COP1: variants seen among roughly 807,000 people sequenced by gnomAD.
COP1 encodes E3 ubiquitin-protein ligase COP1.
COP1 carries 24 observed loss-of-function variants against 101.3 expected under a neutral mutation model. The ratio of observed to expected loss-of-function variants is 0.24; its 90% CI spans 0.17 to 0.33. The LOEUF is 0.33. COP1 is among the 10% of genes least tolerant of loss of function. The probability of loss-of-function intolerance (pLI) is 1.00; values close to 1 mark genes in which losing one functional copy is unlikely to be tolerated. For missense variants in COP1, 663 were observed against 906.2 expected, an observed-to-expected ratio of 0.73 and a Z score of 3.45; for synonymous variants, 347 against 341.9, an observed-to-expected ratio of 1.01 and a Z score of -0.17.
intron 9 of COP1, among the ~76,000 whole-genome samples, chr1:176,105,453 T>C (rs920535233): frequency 6.6e-6 from 1 of 152,182 alleles, no homozygotes; most frequent in Admixed American, 6.5e-5. Flanking sequence ...CAAAGAAATA[T>C]CTCTAGTTAC....
intron 18 of COP1, among the ~76,000 whole-genome samples, chr1:175,973,942 G>A (rs1653889655): frequency 6.6e-6 from 1 of 152,152 alleles, no homozygotes; most frequent in African/African-American, 2.4e-5. Flanking sequence ...GATCCTACAG[G>A]CAGTTCATGT....
At chr1:176,006,121 T>C (rs1308645539) in intron 15 of COP1, among the ~76,000 whole-genome samples, 1 of 152,196 alleles carries the variant, frequency 6.6e-6, no homozygotes, top group Non-Finnish European at 1.5e-5. Context: ...TTTGTCTGTT[T>C]TGATCTTTGT....
intron 8 of COP1, among the ~76,000 whole-genome samples, chr1:176,132,138 T>C (rs1688982852): frequency 6.6e-6 from 1 of 151,718 alleles, no homozygotes; most frequent in Non-Finnish European, 1.5e-5. Context: ...TCCTAACTTT[T>C]CTCCCCAGCT....
chr1:176,153,785 T>C (rs1014257704), intron 5 of COP1, among the ~76,000 whole-genome samples: 4 of 152,018 alleles, frequency 2.6e-5, no homozygotes, highest in Non-Finnish European at 5.9e-5. Flanking sequence ...TTATTGAGAG[T>C]TTTTAATATG....
At position 176,088,231 on chromosome 1, in the gene COP1, T is replaced by C. The variant is rs140435063; in HGVS notation, c.1027-2341A>G. Among the ~76,000 whole-genome samples the C allele has an allele frequency of 9.9e-3, 1,326 of 133,446 alleles. 18 individuals carry two copies. Among genetic ancestry groups the C allele is most frequent in the African/African-American group, 0.033 (1,264 of 38,454 alleles). The allele number at this position is 133,446 out of a possible 152,430, so 87.5% of individuals were successfully genotyped here. ...GACAAACCTGCACATTGTGCACATG[T>C]ACCCTAGAACTTAAAGTATCATAAA... On this transcript the variant is annotated intron_variant, in intron 9 of 19. Coordinates refer to ENST00000367669, the MANE Select transcript of COP1 (RefSeq NM_022457.7).
rs1656323266 is a variant in COP1, at chr1:175,983,322, C to A, written c.2133+3621G>T. On this transcript the variant is annotated intron_variant, in intron 18 of 19. Transcript: ENST00000367669. ...GGGGGCAAGTCTTTCCCGAACTGTT[C>A]TCGTGACAGTGAATAAGTCTCATGA... 2.0e-5 allele frequency among the ~76,000 whole-genome samples: 3 copies of A among 152,282 alleles called. No individual in the cohort carries two copies. The South Asian group carries it at 6.2e-4, about 32-fold the overall frequency.
chr1:176,068,943 T>C (rs1676491682), intron 11 of COP1, among the ~76,000 whole-genome samples: 1 of 152,134 alleles, frequency 6.6e-6, no homozygotes, highest in African/African-American at 2.4e-5. Context: ...TCCCCATACT[T>C]TGGGAGGCCA....
chr1:175,977,315 AAAG>A (rs1192047565), intron 18 of COP1, among the ~76,000 whole-genome samples: 1 of 152,204 alleles, frequency 6.6e-6, no homozygotes, highest in Non-Finnish European at 1.5e-5. Context: ...CAATTCAAAT[AAAG>A]AATATATATT....
rs527696350 is a variant in COP1 at position 176,173,757 on chromosome 1, G to T, written c.565+2153C>A. ...AGTCCCAGCACTTTGGGAGGCTGAG[G>T]CGGGAGGATCGCTTGAGTCCAGGAG... On this transcript the variant is annotated intron_variant, in intron 3 of 19. Coordinates refer to ENST00000367669, the MANE Select transcript of COP1 (RefSeq NM_022457.7). Among the ~76,000 whole-genome samples the T allele has an allele frequency of 4.7e-3, 710 of 152,048 alleles. 7 individuals carry two copies. The highest frequency in any genetic ancestry group is 0.016 in the African/African-American group (672 of 41,502).
intron 15 of COP1, among the ~76,000 whole-genome samples, chr1:175,993,699 G>T (rs1171804408): frequency 6.6e-6 from 1 of 152,100 alleles, no homozygotes; most frequent in Non-Finnish European, 1.5e-5. Flanking sequence ...AGAGAAAAAA[G>T]AATAAAAAGA....
intron 8 of COP1, among the ~76,000 whole-genome samples, chr1:176,125,186 T>C (rs1440369286): frequency 2.0e-5 from 3 of 152,234 alleles, no homozygotes; most frequent in Non-Finnish European, 1.5e-5. Context: ...TCTGCAAATA[T>C]TTTCTCCAAT....
chr1:176,115,118 AT>A (rs1685956942), intron 9 of COP1, among the ~76,000 whole-genome samples: 1 of 152,298 alleles, frequency 6.6e-6, no homozygotes, highest in South Asian at 2.1e-4. Context: ...TATTTTCGTA[AT>A]TTTTCTCTAA....
At chr1:175,977,913 T>C (rs1236579985) in intron 18 of COP1, among the ~76,000 whole-genome samples, 3 of 152,060 alleles carry the variant, frequency 2.0e-5, no homozygotes, top group Non-Finnish European at 2.9e-5. Flanking sequence ...GTAAAGGAAA[T>C]AATATCCAAT....
chr1:176,085,916 A>G, intron 9 of COP1, 26 bp from the exon 10 acceptor site: 1 of 1,316,656 alleles, frequency 7.6e-7, no homozygotes, highest in Non-Finnish European at 1.1e-6. Context: ...AAGACACAAA[A>G]CTTAGAATAA....
chr1:176,085,948 G>T, intron 9 of COP1, 58 bp from the exon 10 acceptor site: 2 of 898,862 alleles, frequency 2.2e-6, no homozygotes, highest in South Asian at 3.8e-5. Context: ...CTTTTGCACA[G>T]AATACTCAAA....
intron 15 of COP1, among the ~76,000 whole-genome samples, chr1:175,991,256 C>G (rs1403266457): frequency 6.6e-6 from 1 of 152,114 alleles, no homozygotes; most frequent in Non-Finnish European, 1.5e-5. Flanking sequence ...GTGGAATAGC[C>G]TATTGTGCTC....
chr1:176,040,072 C>T (rs1670249528), intron 14 of COP1, among the ~76,000 whole-genome samples: 1 of 152,100 alleles, frequency 6.6e-6, no homozygotes, highest in Non-Finnish European at 1.5e-5. Flanking sequence ...GCACAGACAA[C>T]ACAAGAAAAA....
intron 11 of COP1, among the ~76,000 whole-genome samples, chr1:176,049,558 G>A (rs1672176361): frequency 6.6e-6 from 1 of 151,934 alleles, no homozygotes; most frequent in Non-Finnish European, 1.5e-5. Flanking sequence ...AAAAGGGAAA[G>A]AAAGACAAAC....
chr1:175,961,016 C>T (rs1651272619), intron 18 of COP1, among the ~76,000 whole-genome samples: 1 of 152,154 alleles, frequency 6.6e-6, no homozygotes, highest in African/African-American at 2.4e-5. Context: ...AATTTGCTTC[C>T]TCTCTCCTGG....
Sources: allele counts gnomAD v4.1 joint callset (sites outside exome capture counted in the v4.1 genomes callset), GRCh38; gene constraint gnomAD v4.1.1; transcripts MANE v1.5; gene names NCBI Gene and HGNC (gene_info 2026-07-23, HGNC 2026-07-21).